EVI5: variants seen among roughly 807,000 people sequenced by gnomAD.
The protein encoded by EVI5 is ecotropic viral integration site 5 protein homolog.
Under a neutral mutation model 112.0 loss-of-function variants are expected in EVI5, and 73 were observed. The ratio of observed to expected loss-of-function variants is 0.65; its 90% CI spans 0.54 to 0.79. The LOEUF is 0.79. Among genes scored for constraint, EVI5 ranks in the 30% least tolerant of loss-of-function variants. The pLI is 0.00. For synonymous variants in EVI5, 305 were observed against 319.9 expected, an observed-to-expected ratio of 0.95 and a Z score of 0.50; for missense variants, 900 against 968.8, an observed-to-expected ratio of 0.93 and a Z score of 0.94.
chr1:92,606,124 G>A (rs1650324747), intron 17 of EVI5, among the ~76,000 whole-genome samples: 2 of 152,144 alleles, frequency 1.3e-5, no homozygotes, highest in Non-Finnish European at 1.5e-5. Flanking sequence ...ATACTTCACA[G>A]AGGTATTAAT....
chr1:92,663,159 T>C (rs1022803733), intron 12 of EVI5, among the ~76,000 whole-genome samples: 12 of 152,214 alleles, frequency 7.9e-5, no homozygotes, highest in Admixed American at 2.6e-4. Context: ...GAATAGTAGT[T>C]AATTTCACAG....
rs1659258930 is a variant in EVI5 at position 92,512,671 on chromosome 1, G to A, written c.*985C>T. 1 of 152,110 alleles carries A rather than the reference G, an allele frequency of 6.6e-6. No homozygotes were observed. 9.4% of individuals were successfully genotyped at this position (152,110 alleles called of 1,614,324 possible). ...CTACTCTAGTAACCAACACATGGAA[G>A]CATCATATGCACATAAAAGTTAAAC... On this transcript the variant is annotated 3_prime_UTR_variant, in exon 20 of 20. Transcript: ENST00000684568.
In EVI5 at chr1:92,607,759, T is replaced by C. The variant is rs747609582; in HGVS notation, c.1828-32A>G. 14 of 1,494,144 alleles carry C rather than the reference T, an allele frequency of 9.4e-6. 1 individual carries two copies. In the East Asian group the frequency reaches 1.6e-4, roughly 18 times the overall value. The allele number at this position is 1,494,144 out of a possible 1,614,324, so 92.6% of individuals were successfully genotyped here. A position where few individuals can be genotyped will look rare whatever the true frequency, so the allele number is the denominator to read the frequency against. On this transcript the variant is annotated intron_variant, in intron 16 of 19. Coordinates refer to ENST00000684568, the MANE Select transcript of EVI5 (RefSeq NM_001350197.2). The stretch of plus-strand genomic sequence containing the variant: ...ATCAGAAATATAAATACTGAGACTA[T>C]AGATACAAGACCTAAAAATTAAAAA...
chr1:92,763,355 A>G (rs1682159035), intron 1 of EVI5, among the ~76,000 whole-genome samples: 1 of 152,124 alleles, frequency 6.6e-6, no homozygotes. Context: ...ATTAAATATA[A>G]ACCCTATAAA....
chr1:92,592,898 T>C (rs1674230840), intron 18 of EVI5, among the ~76,000 whole-genome samples: 1 of 152,094 alleles, frequency 6.6e-6, no homozygotes, highest in African/African-American at 2.4e-5. Flanking sequence ...AATAGACCAA[T>C]AACAGGCTCT....
At chr1:92,651,714 A>G (rs1312347153) in intron 13 of EVI5, among the ~76,000 whole-genome samples, 2 of 128,978 alleles carry the variant, frequency 1.6e-5, no homozygotes, top group Middle Eastern at 3.7e-3. Context: ...AGCCAGGCGT[A>G]GTGGCGGGCG....
At chr1:92,515,156 A>G (rs578175357) in intron 19 of EVI5, among the ~76,000 whole-genome samples, 27 of 152,294 alleles carry the variant, frequency 1.8e-4, no homozygotes, top group African/African-American at 6.5e-4. Context: ...CTAGTCCTCA[A>G]TCCCTGGAGT....
intron 19 of EVI5, among the ~76,000 whole-genome samples, chr1:92,553,592 T>C (rs1188552388): frequency 6.6e-6 from 1 of 151,996 alleles, no homozygotes; most frequent in South Asian, 2.1e-4. Flanking sequence ...TGAGCCACCG[T>C]GCCCAGCCAA....
chr1:92,655,414 C>A (rs1243615648), intron 13 of EVI5, among the ~76,000 whole-genome samples: 2 of 151,986 alleles, frequency 1.3e-5, no homozygotes, highest in African/African-American at 4.8e-5. Context: ...AAAAGTCTTT[C>A]CCAGACAAGC....
At chr1:92,783,786 G>A (rs781358415) in intron 1 of EVI5, among the ~76,000 whole-genome samples, 40 of 144,576 alleles carry the variant, frequency 2.8e-4, no homozygotes, top group Non-Finnish European at 5.3e-4. Flanking sequence ...CTCCAGTCTG[G>A]CGACAGAGCG....
chr1:92,696,094 C>A (rs1670277556), intron 6 of EVI5, among the ~76,000 whole-genome samples: 2 of 151,932 alleles, frequency 1.3e-5, no homozygotes, highest in South Asian at 4.2e-4. Flanking sequence ...CCATGCCCAG[C>A]CAATTTTTTT....
At chr1:92,635,588 T>G (rs1174368770) in intron 14 of EVI5, among the ~76,000 whole-genome samples, 1 of 152,166 alleles carries the variant, frequency 6.6e-6, no homozygotes, top group Non-Finnish European at 1.5e-5. Context: ...ACCCCTTTCC[T>G]TGGCTAGGAA....
intron 1 of EVI5, chr1:92,749,384 T>C (rs933072885): frequency 5.9e-6 from 1 of 168,212 alleles, no homozygotes; most frequent in Non-Finnish European, 1.3e-5. Flanking sequence ...TATGAACATA[T>C]AAGCCTGGGC....
intron 2 of EVI5, among the ~76,000 whole-genome samples, chr1:92,710,301 C>A (rs1294084811): frequency 6.6e-6 from 1 of 151,932 alleles, no homozygotes; most frequent in African/African-American, 2.4e-5. Flanking sequence ...CATGATTGCA[C>A]TGCACCACTG....
rs569884216 is a variant in EVI5, at chr1:92,547,454, C to A, written c.2166+16188G>T. ...ATTAAAAGAACTAGAGAAGCAAGAG[C>A]AAACACATTCAAAAGCTAGCAGAAG... On this transcript the variant is annotated intron_variant, in intron 19 of 19. Transcript: ENST00000684568. Among the ~76,000 whole-genome samples, 18 of 152,162 alleles carry A rather than the reference C, an allele frequency of 1.2e-4. No homozygotes were observed. In the East Asian group the frequency reaches 3.3e-3, roughly 28 times the overall value.
chr1:92,544,950 C>A (rs1271048790), intron 19 of EVI5, among the ~76,000 whole-genome samples: 1 of 152,144 alleles, frequency 6.6e-6, no homozygotes, highest in Admixed American at 6.5e-5. Flanking sequence ...GTCTTTGACA[C>A]GTACTATTGG....
chr1:92,756,598 C>T (rs1680987707), intron 1 of EVI5: 1 of 502,144 alleles, frequency 2.0e-6, no homozygotes, highest in African/African-American at 1.9e-5. Context: ...ACAAGCAGGA[C>T]CTCAAATGGC....
chr1:92,640,968 A>T (rs1247474463), intron 13 of EVI5, among the ~76,000 whole-genome samples: 1 of 152,190 alleles, frequency 6.6e-6, no homozygotes, highest in African/African-American at 2.4e-5. Context: ...CTGACACAGG[A>T]ACAGAATACC....
intron 16 of EVI5, among the ~76,000 whole-genome samples, chr1:92,621,848 C>A (rs1654665541): frequency 6.6e-6 from 1 of 152,074 alleles, no homozygotes; most frequent in African/African-American, 2.4e-5. Context: ...CAAGGCAGGG[C>A]ACGGTGGCTC....
Sources: gnomAD v4.1 joint callset for allele counts (sites outside exome capture counted in the v4.1 genomes callset) on GRCh38, gnomAD v4.1.1 for gene constraint, MANE v1.5 for transcripts, NCBI Gene and HGNC (gene_info 2026-07-23, HGNC 2026-07-21) for gene names.